The following TAFA2 variants were observed in gnomAD, a reference collection of about 807,000 sequenced individuals.
TAFA2 encodes TAFA chemokine like family member 2.
A neutral mutation model predicts 18.8 loss-of-function variants in TAFA2; 7 were observed. The ratio of observed to expected loss-of-function variants is 0.37; its 90% CI spans 0.21 to 0.70. The LOEUF (loss-of-function observed/expected upper bound fraction) is 0.70, where lower values mean the gene tolerates loss of function less well. Ranked by LOEUF, TAFA2 falls within the 30% of genes least tolerant of loss-of-function variation. The probability of loss-of-function intolerance (pLI) is 0.53; values close to 1 mark genes in which losing one functional copy is unlikely to be tolerated. For synonymous variants in TAFA2, 60 were observed against 54.2 expected (o/e 1.11, Z -0.47); for missense variants, 122 against 158.1 (o/e 0.77, Z 1.23).
chr12:62,150,469 A>G (rs1024267479), intron 1 of TAFA2, among the ~76,000 whole-genome samples: 11 of 151,986 alleles, frequency 7.2e-5, no homozygotes, highest in African/African-American at 2.7e-4. Flanking sequence ...TCAAAGACTG[A>G]GCCCCTCTTC....
chr12:62,138,894 C>A (rs374297491), intron 1 of TAFA2, among the ~76,000 whole-genome samples: 1 of 152,022 alleles, frequency 6.6e-6, no homozygotes, highest in Admixed American at 6.6e-5. Context: ...GCAAGTTTGC[C>A]AACTTTATCC....
intron 1 of TAFA2, chr12:62,253,514 C>T (rs1335557976): frequency 2.0e-5 from 3 of 152,212 alleles, no homozygotes; most frequent in Non-Finnish European, 4.4e-5. Context: ...AAGGTTTTAG[C>T]AAGGCTCTGA....
At chr12:62,003,457 C>A (rs776006879) in intron 1 of TAFA2, among the ~76,000 whole-genome samples, 24 of 152,100 alleles carry the variant, frequency 1.6e-4, no homozygotes, top group Admixed American at 2.6e-4. Flanking sequence ...AATGTTCTTA[C>A]CCTAGATATA....
intron 1 of TAFA2, among the ~76,000 whole-genome samples, chr12:62,025,821 A>G (rs1305460536): frequency 2.6e-5 from 4 of 152,164 alleles, no homozygotes; most frequent in African/African-American, 9.6e-5. Context: ...TGCTTGCCCC[A>G]TCTTAATTAC....
At chr12:62,202,821 C>CTT (rs71083986) in intron 1 of TAFA2, among the ~76,000 whole-genome samples, 648 of 61,620 alleles carry the variant, frequency 0.011, 117 homozygotes, top group African/African-American at 0.024. Flanking sequence ...CTGTGTGGTT[C>CTT]TTTTTTTTTT....
At chr12:61,831,364 T>C (rs1565649191) in intron 2 of TAFA2, among the ~76,000 whole-genome samples, 1 of 152,124 alleles carries the variant, frequency 6.6e-6, no homozygotes, top group South Asian at 2.1e-4. Context: ...ACATTTACTC[T>C]ATTATTTTCA....
chr12:62,066,415 C>T (rs530078598), intron 1 of TAFA2, among the ~76,000 whole-genome samples: 2 of 151,730 alleles, frequency 1.3e-5, no homozygotes, highest in African/African-American at 4.8e-5. Context: ...TTTTTTGTAC[C>T]CATTAACCAT....
intron 1 of TAFA2, among the ~76,000 whole-genome samples, chr12:61,979,713 A>G (rs1879563018): frequency 6.6e-6 from 1 of 151,978 alleles, no homozygotes; most frequent in African/African-American, 2.4e-5. Flanking sequence ...GAAAAGAAAA[A>G]CCAATCTTAA....
At chr12:62,146,030 C>T (rs185053139) in intron 1 of TAFA2, among the ~76,000 whole-genome samples, 1 of 152,286 alleles carries the variant, frequency 6.6e-6, no homozygotes, top group East Asian at 1.9e-4. Flanking sequence ...ACTATGCCTC[C>T]TCTTCACCCT....
At chr12:62,039,361 T>G (rs956721326) in intron 1 of TAFA2, among the ~76,000 whole-genome samples, 2 of 152,190 alleles carry the variant, frequency 1.3e-5, no homozygotes, top group Non-Finnish European at 2.9e-5. Flanking sequence ...AGGTTCTTCA[T>G]TCCTAATAAA....
chr12:61,933,239 G>C (rs1877634732), intron 1 of TAFA2, among the ~76,000 whole-genome samples: 1 of 152,138 alleles, frequency 6.6e-6, no homozygotes, highest in African/African-American at 2.4e-5. Flanking sequence ...CAATCAGACT[G>C]AGCTCAAATC....
intron 1 of TAFA2, among the ~76,000 whole-genome samples, chr12:62,146,764 AC>A (rs1219929326): frequency 1.3e-5 from 2 of 152,094 alleles, no homozygotes; most frequent in African/African-American, 4.8e-5. Context: ...CTTTTCCATG[AC>A]CCTGACAGTT....
rs539958995 is a variant in TAFA2, at chr12:61,852,976, C to T, written c.106+14344G>A. 5.9e-5 allele frequency among the ~76,000 whole-genome samples: 9 copies of T among 152,238 alleles called. No homozygotes were observed. In the East Asian group the frequency reaches 1.5e-3, roughly 26 times the overall value. On this transcript the variant is annotated intron_variant, in intron 2 of 4. Transcript: ENST00000416284. ...GGAAGAATAAGTACTGCAGATCTAACATACAGGATAGCAACTATAGTTAGC... is the reference window on the plus strand; with the variant it reads ...GGAAGAATAAGTACTGCAGATCTAATATACAGGATAGCAACTATAGTTAGC...
At position 61,882,371 on chromosome 12, in the gene TAFA2, T is replaced by C. The variant is rs114914799; in HGVS notation, c.-1-14945A>G. Among the ~76,000 whole-genome samples the C allele has an allele frequency of 6.6e-3, 1,006 of 152,234 alleles. 6 individuals are homozygous for C. The highest frequency in any genetic ancestry group is 0.023 in the African/African-American group (957 of 41,562). On this transcript the variant is annotated intron_variant, in intron 1 of 4. Coordinates refer to ENST00000416284, the MANE Select transcript of TAFA2 (RefSeq NM_178539.5). ...GAGGAAAACAATAAAGCACAAGGTATAAAAATACCAAAGAAGTCAGCTGGT... is the reference window on the plus strand; with the variant it reads ...GAGGAAAACAATAAAGCACAAGGTACAAAAATACCAAAGAAGTCAGCTGGT...
chr12:62,022,898 G>A (rs1041544146), intron 1 of TAFA2, among the ~76,000 whole-genome samples: 4 of 152,158 alleles, frequency 2.6e-5, no homozygotes, highest in African/African-American at 9.7e-5. Context: ...GCTGAATGAG[G>A]GGAGCAACCA....
intron 4 of TAFA2, chr12:61,720,748 A>G (rs952161343): frequency 8.1e-6 from 3 of 372,320 alleles, no homozygotes; most frequent in Non-Finnish European, 1.1e-5. Flanking sequence ...TTACTTCTCA[A>G]TGAAACTTCT....
intron 1 of TAFA2, among the ~76,000 whole-genome samples, chr12:62,073,377 G>A (rs1471117069): frequency 1.3e-5 from 2 of 151,386 alleles, no homozygotes; most frequent in African/African-American, 4.9e-5. Context: ...ATATATTATA[G>A]ATAAGAAAAC....
chr12:61,836,473 A>G (rs752372850), intron 2 of TAFA2, among the ~76,000 whole-genome samples: 19 of 151,890 alleles, frequency 1.3e-4, no homozygotes, highest in Non-Finnish European at 2.2e-4. Flanking sequence ...TTAGCCTTCC[A>G]TAACAGTTGG....
In TAFA2 at chr12:61,768,654, C is replaced by T. The variant is rs1266781152; in HGVS notation, c.107-13630G>A. On this transcript the variant is annotated intron_variant, in intron 2 of 4. Coordinates refer to ENST00000416284, the MANE Select transcript of TAFA2 (RefSeq NM_178539.5). ...AAGTGAAATATAAGAGTAGAGGAAG[C>T]AGCTGGAAGAGTGCTGTGGGCACTC... 1.3e-4 allele frequency among the ~76,000 whole-genome samples: 20 copies of T among 152,158 alleles called. No individual in the cohort carries two copies. In the East Asian group the frequency reaches 3.9e-3, roughly 30 times the overall value.
Sources: allele counts gnomAD v4.1 joint callset (sites outside exome capture counted in the v4.1 genomes callset), GRCh38; gene constraint gnomAD v4.1.1; transcripts MANE v1.5; gene names NCBI Gene and HGNC (gene_info 2026-07-23, HGNC 2026-07-21).